Variants in CNTN5 observed in about 807,000 individuals in gnomAD.
The protein encoded by CNTN5 is contactin 5.
Under a neutral mutation model 129.1 loss-of-function variants are expected in CNTN5, and 77 were observed. That is an observed-to-expected ratio of 0.60 (90% CI 0.50 to 0.72). The LOEUF (loss-of-function observed/expected upper bound fraction) is 0.72, where lower values mean the gene tolerates loss of function less well. CNTN5 is among the 30% of genes least tolerant of loss of function. The pLI is 0.00. For synonymous variants in CNTN5, 509 were observed against 465.6 expected (o/e 1.09, Z -1.20); for missense variants, 1,478 against 1,328.8 (o/e 1.11, Z -1.75).
intron 2 of CNTN5, among the ~76,000 whole-genome samples, chr11:99,530,807 T>A (rs1456579854): frequency 6.6e-6 from 1 of 152,228 alleles, no homozygotes; most frequent in Non-Finnish European, 1.5e-5. Context: ...ACTGCCACAG[T>A]GTAAGAAGTG....
At chr11:99,030,154 C>A (rs149776352) in intron 1 of CNTN5, among the ~76,000 whole-genome samples, 69 of 152,236 alleles carry the variant, frequency 4.5e-4, no homozygotes, top group Non-Finnish European at 8.1e-4. Context: ...GTTTTCATTT[C>A]TTTCCCTGTA....
chr11:99,211,531 A>AT (rs1239767735), intron 1 of CNTN5, among the ~76,000 whole-genome samples: 1 of 148,658 alleles, frequency 6.7e-6, no homozygotes, highest in Admixed American at 6.7e-5. Context: ...AATTCTAAAA[A>AT]TTTTTTCTCC....
chr11:100,272,666 A>G lies in CNTN5; in HGVS notation c.2314+1425A>G, dbSNP rs575521157. Among the ~76,000 whole-genome samples, 192 of 152,264 alleles carry G rather than the reference A, an allele frequency of 1.3e-3. 8 individuals are homozygous for G. The South Asian group carries it at 0.039, about 31-fold the overall frequency. On this transcript the variant is annotated intron_variant, in intron 18 of 24. Transcript: ENST00000524871. ...GAAGGCACTGAGAGTGGACAGAGGG[A>G]AAACACAGAGGTTGGGCTGATTGGG...
intron 9 of CNTN5, among the ~76,000 whole-genome samples, chr11:100,047,204 G>A (rs1040709199): frequency 6.6e-5 from 10 of 151,968 alleles, no homozygotes; most frequent in Non-Finnish European, 1.5e-5. Context: ...GCCAGATATT[G>A]AACTGGGTTG....
chr11:99,105,512 A>G (rs1866953243), intron 1 of CNTN5, among the ~76,000 whole-genome samples: 1 of 152,146 alleles, frequency 6.6e-6, no homozygotes, highest in Non-Finnish European at 1.5e-5. Flanking sequence ...TCATATTCCT[A>G]CAACATACTT....
At chr11:99,722,558 A>G (rs1943207829) in intron 3 of CNTN5, among the ~76,000 whole-genome samples, 1 of 152,044 alleles carries the variant, frequency 6.6e-6, no homozygotes, top group Non-Finnish European at 1.5e-5. Flanking sequence ...ATTAAATAAT[A>G]TCTACAACAA....
At chr11:99,788,015 A>G (rs1945598151) in intron 3 of CNTN5, among the ~76,000 whole-genome samples, 1 of 151,950 alleles carries the variant, frequency 6.6e-6, no homozygotes, top group Non-Finnish European at 1.5e-5. Flanking sequence ...AAATCCTAAC[A>G]TGACTTGATT....
chr11:99,503,254 G>C (rs1360415272), intron 2 of CNTN5, among the ~76,000 whole-genome samples: 4 of 152,026 alleles, frequency 2.6e-5, no homozygotes, highest in African/African-American at 7.2e-5. Context: ...CTAATTACTA[G>C]AATGTGAGAC....
intron 3 of CNTN5, among the ~76,000 whole-genome samples, chr11:99,668,923 G>T (rs675333): frequency 0.47 from 70,869 of 151,972 alleles, 17,276 homozygotes; most frequent in Middle Eastern, 0.59. Flanking sequence ...ATTTTGTGTT[G>T]CATGGCTCAA....
At chr11:100,309,228 C>T (rs984766510) in intron 21 of CNTN5, 5 of 984,820 alleles carry the variant, frequency 5.1e-6, no homozygotes, top group Admixed American at 6.2e-5. Context: ...TTTATTCTTA[C>T]TTTTCCTCTG....
intron 13 of CNTN5, among the ~76,000 whole-genome samples, chr11:100,183,293 C>T (rs1948195789): frequency 6.6e-6 from 1 of 152,078 alleles, no homozygotes; most frequent in Admixed American, 6.6e-5. Context: ...AAGACTTGTG[C>T]ACAAATGTTC....
intron 13 of CNTN5, among the ~76,000 whole-genome samples, chr11:100,118,800 TA>T (rs752697354): frequency 1.3e-5 from 2 of 151,870 alleles, no homozygotes; most frequent in Non-Finnish European, 2.9e-5. Context: ...TTAAATTTTT[TA>T]TGTATAATTG....
intron 6 of CNTN5, among the ~76,000 whole-genome samples, chr11:99,874,802 T>C (rs1422821589): frequency 1.3e-5 from 2 of 152,180 alleles, no homozygotes; most frequent in Non-Finnish European, 2.9e-5. Context: ...CATTGATAGA[T>C]TTGCAGTTCA....
At chr11:99,394,368 T>C (rs1001860788) in intron 2 of CNTN5, among the ~76,000 whole-genome samples, 16 of 151,562 alleles carry the variant, frequency 1.1e-4, no homozygotes, top group Admixed American at 9.9e-4. Context: ...AACAAAAGAA[T>C]TACCTCAAAC....
intron 1 of CNTN5, among the ~76,000 whole-genome samples, chr11:99,321,798 C>T (rs972321009): frequency 6.6e-6 from 1 of 152,076 alleles, no homozygotes; most frequent in Non-Finnish European, 1.5e-5. Flanking sequence ...GTTGAGATTT[C>T]TACAGAGGTA....
intron 2 of CNTN5, among the ~76,000 whole-genome samples, chr11:99,366,821 T>G (rs905942021): frequency 3.3e-5 from 5 of 152,168 alleles, no homozygotes. Flanking sequence ...TTTCTCTGTG[T>G]GCATTTTTTG....
At chr11:99,632,284 A>T (rs1418669062) in intron 3 of CNTN5, among the ~76,000 whole-genome samples, 1 of 152,180 alleles carries the variant, frequency 6.6e-6, no homozygotes, top group African/African-American at 2.4e-5. Flanking sequence ...AAATGTTCAT[A>T]GTAATTATCA....
At chr11:99,315,295 A>T (rs1716960647) in intron 1 of CNTN5, among the ~76,000 whole-genome samples, 1 of 149,660 alleles carries the variant, frequency 6.7e-6, no homozygotes, top group South Asian at 2.1e-4. Flanking sequence ...TTGTGGGCAA[A>T]GGGAAGCCTA....
intron 8 of CNTN5, among the ~76,000 whole-genome samples, chr11:99,962,249 C>G (rs1950967835): frequency 6.6e-6 from 1 of 152,000 alleles, no homozygotes; most frequent in Admixed American, 6.6e-5. Flanking sequence ...TGTTGGTGTG[C>G]TGCACCCATT....
Sources: allele counts gnomAD v4.1 joint callset (sites outside exome capture counted in the v4.1 genomes callset), GRCh38; gene constraint gnomAD v4.1.1; transcripts MANE v1.5; gene names NCBI Gene and HGNC (gene_info 2026-07-23, HGNC 2026-07-21).